Variants in CDKL3 observed in about 807,000 individuals in gnomAD.
CDKL3 encodes the protein cyclin-dependent kinase-like 3.
CDKL3 carries 65 observed loss-of-function variants against 69.3 expected under a neutral mutation model. The observed-to-expected ratio is 0.94, with a 90% CI of 0.77 to 1.15. The LOEUF (loss-of-function observed/expected upper bound fraction) is 1.15. Ranked by LOEUF, CDKL3 falls within the 50% of genes most tolerant of loss-of-function variation. The pLI, the probability that CDKL3 is intolerant of heterozygous loss-of-function variation, is 0.00. For synonymous variants in CDKL3, 202 were observed against 221.6 expected (o/e 0.91, Z 0.79); for missense variants, 652 against 689.2 (o/e 0.95, Z 0.61).
At chr5:134,297,316 C>T (rs1765409843), downstream of CDKL3, among the ~76,000 whole-genome samples, 1 of 152,132 alleles carries the variant, frequency 6.6e-6, no homozygotes, top group Non-Finnish European at 1.5e-5. Context: ...GCCCTAAACC[C>T]TCAACCCAGA....
rs1440903842 is a variant in CDKL3 at position 134,367,018 on chromosome 5, A to AGCC, written c.-66_-64dup. 1 of 988,694 alleles carries AGCC rather than the reference A, an allele frequency of 1.0e-6. No homozygotes were observed. The highest frequency in any genetic ancestry group is 1.2e-6 in the Non-Finnish European group (1 of 832,336). The allele number at this position is 988,694 out of a possible 1,614,324, so 61.2% of individuals were successfully genotyped here. ...GTCCCGCTGTTGACTTTATCCAAAC[A>AGCC]GCCGCCGCCGCCTCAGCCCATTCTG... is the stretch of plus-strand genomic sequence containing the variant. On this transcript the variant is annotated 5_prime_UTR_variant, in exon 1 of 13. Transcript: ENST00000265334.
chr5:134,318,077 G>A (rs1771652561), intron 6 of CDKL3, among the ~76,000 whole-genome samples: 1 of 151,864 alleles, frequency 6.6e-6, no homozygotes, highest in Non-Finnish European at 1.5e-5. Context: ...AAATTAGCCA[G>A]GTGTGGTGGC....
chr5:134,319,266 G>A, intron 6 of CDKL3, 92 bp downstream of exon 6: 3 of 917,520 alleles, frequency 3.3e-6, no homozygotes, highest in South Asian at 4.4e-5. Flanking sequence ...GGAGTCAGAG[G>A]TTGCAGTGAG....
At position 134,312,771 on chromosome 5, in the gene CDKL3, C is replaced by T. The variant is rs76153859; in HGVS notation, c.793-391G>A. Among the ~76,000 whole-genome samples, 12 of 152,210 alleles carry T rather than the reference C, an allele frequency of 7.9e-5. No individual in the cohort carries two copies. In the East Asian group the frequency reaches 1.2e-3, roughly 15 times the overall value. Reference sequence around the variant, plus strand: ...TAGTTTGCCAAACACGAGTTTTAACCCATGTTGTCTGACGCCTAATCCAGC... The same window carrying T: ...TAGTTTGCCAAACACGAGTTTTAACTCATGTTGTCTGACGCCTAATCCAGC... On this transcript the variant is annotated intron_variant, in intron 6 of 12. Transcript: ENST00000265334.
intron 3 of CDKL3, among the ~76,000 whole-genome samples, chr5:134,357,168 G>A (rs570911842): frequency 4.6e-5 from 7 of 152,132 alleles, no homozygotes; most frequent in Non-Finnish European, 8.8e-5. Flanking sequence ...AATGTAAGCC[G>A]GGCGCGGTGG....
At chr5:134,331,705 A>T (rs1395166497) in intron 4 of CDKL3, among the ~76,000 whole-genome samples, 1 of 152,068 alleles carries the variant, frequency 6.6e-6, no homozygotes. Flanking sequence ...TCTATTATTG[A>T]TGGACATTTG....
At chr5:134,371,233 G>C (rs1365921973), upstream of CDKL3, 3 of 336,064 alleles carry the variant, frequency 8.9e-6, no homozygotes, top group South Asian at 5.8e-5. Context: ...AGGGAGACGG[G>C]ATAGTGTTTC....
chr5:134,363,457 C>CTTTT (rs869177235), intron 2 of CDKL3, among the ~76,000 whole-genome samples: 9 of 105,460 alleles, frequency 8.5e-5, no homozygotes, highest in Non-Finnish European at 1.7e-4. Flanking sequence ...CCATGGCCGG[C>CTTTT]TTTTTTTTTT....
At chr5:134,369,419 G>A (rs1002460509), upstream of CDKL3, among the ~76,000 whole-genome samples, 6 of 152,146 alleles carry the variant, frequency 3.9e-5, no homozygotes, top group Non-Finnish European at 8.8e-5. Context: ...CAGCTCAACA[G>A]GGAAAGAGGG....
At chr5:134,368,717 C>A (rs1286190052), upstream of CDKL3, among the ~76,000 whole-genome samples, 1 of 150,162 alleles carries the variant, frequency 6.7e-6, no homozygotes, top group Non-Finnish European at 1.5e-5. Flanking sequence ...TGGGCTCAAA[C>A]TTGGTGTAAG....
chr5:134,360,096 T>C lies in CDKL3; in HGVS notation c.166-5A>G. 1 of 1,521,502 alleles carries C rather than the reference T, an allele frequency of 6.6e-7. No homozygotes were observed. The highest frequency in any genetic ancestry group is 8.8e-7 in the Non-Finnish European group (1 of 1,135,878). 94.3% of individuals were successfully genotyped at this position (1,521,502 alleles called of 1,614,324 possible). On this transcript the variant is annotated splice_region_variant and splice_polypyrimidine_tract_variant and intron_variant, in intron 2 of 12. Coordinates refer to ENST00000265334, the MANE Select transcript of CDKL3 (RefSeq NM_001113575.2). ...CAGGTTTTCGTGATGAAATTGCTAT[T>C]GACAAAAGAAACAACACAAATTTTT...
intron 3 of CDKL3, among the ~76,000 whole-genome samples, chr5:134,358,822 C>T (rs1755265406): frequency 6.6e-6 from 1 of 151,988 alleles, no homozygotes; most frequent in Admixed American, 6.6e-5. Context: ...CTATGTTGCC[C>T]AGGCTGGGCT....
At chr5:134,314,784 G>A (rs1159628625) in intron 6 of CDKL3, among the ~76,000 whole-genome samples, 1 of 152,100 alleles carries the variant, frequency 6.6e-6, no homozygotes, top group Non-Finnish European at 1.5e-5. Flanking sequence ...GCAAATCAGT[G>A]GTTATCTGGG....
intron 4 of CDKL3, among the ~76,000 whole-genome samples, chr5:134,322,630 G>A (rs1189759106): frequency 6.6e-6 from 1 of 152,082 alleles, no homozygotes; most frequent in Non-Finnish European, 1.5e-5. Context: ...ACCTATAAGG[G>A]AATGGCTAAG....
At chr5:134,337,058 G>A (rs192714192) in intron 4 of CDKL3, among the ~76,000 whole-genome samples, 174 of 152,260 alleles carry the variant, frequency 1.1e-3, no homozygotes, top group Non-Finnish European at 1.6e-3. Context: ...CAGAAATGGC[G>A]GATGCCCCTC....
At chr5:134,368,011 G>A (rs369373654), upstream of CDKL3, among the ~76,000 whole-genome samples, 18 of 152,322 alleles carry the variant, frequency 1.2e-4, no homozygotes, top group Non-Finnish European at 1.3e-4. Context: ...TGAGTTAAAT[G>A]TAAAAAAGCG....
At chr5:134,367,368 C>CTTT (rs57811547), upstream of CDKL3, 92 of 780,214 alleles carry the variant, frequency 1.2e-4, 1 homozygote, top group Middle Eastern at 6.4e-4. Flanking sequence ...GGATCTGCAT[C>CTTT]TTTTTTTTTT....
At chr5:134,362,567 A>G (rs1281447027) in intron 2 of CDKL3, among the ~76,000 whole-genome samples, 1 of 152,110 alleles carries the variant, frequency 6.6e-6, no homozygotes, top group Non-Finnish European at 1.5e-5. Flanking sequence ...TTTTTAGACT[A>G]AGAATATTAA....
At chr5:134,352,745 G>A (rs1283034217) in intron 3 of CDKL3, among the ~76,000 whole-genome samples, 1 of 151,960 alleles carries the variant, frequency 6.6e-6, no homozygotes, top group Non-Finnish European at 1.5e-5. Flanking sequence ...CACTGTACCT[G>A]GTCCTTTGCC....
Sources: gnomAD v4.1 joint callset for allele counts (sites outside exome capture counted in the v4.1 genomes callset) on GRCh38, gnomAD v4.1.1 for gene constraint, MANE v1.5 for transcripts, NCBI Gene and HGNC (gene_info 2026-07-23, HGNC 2026-07-21) for gene names.